Variants in FAM186A observed in about 807,000 individuals in gnomAD.
FAM186A encodes the protein protein FAM186A.
A neutral mutation model predicts 216.8 loss-of-function variants in FAM186A; 163 were observed. The observed-to-expected ratio is 0.75, with a 90% CI of 0.66 to 0.86. The LOEUF (loss-of-function observed/expected upper bound fraction) is 0.86. Ranked by LOEUF, FAM186A falls within the 40% of genes least tolerant of loss-of-function variation. The pLI, the probability that FAM186A is intolerant of heterozygous loss-of-function variation, is 0.00. For missense variants in FAM186A, 2,184 were observed against 2,746.2 expected (o/e 0.80, Z 4.58); for synonymous variants, 805 against 1,025.3 (o/e 0.79, Z 4.10).
At chr12:50,373,077 GAA>G (rs1491372726) in intron 1 of FAM186A, among the ~76,000 whole-genome samples, 2 of 138,488 alleles carry the variant, frequency 1.4e-5, no homozygotes, top group African/African-American at 2.6e-5. Context: ...GAAAGAAAGA[GAA>G]AAGAAAGAAA....
Position 50,355,269 on chromosome 12 carries a change from T to C in FAM186A, c.1563A>G (p.Lys521=), listed in dbSNP as rs182698019. The C allele has an allele frequency of 4.5e-6, 7 of 1,551,598 alleles. No individual in the cohort carries two copies. In the African/African-American group the frequency reaches 6.8e-5, roughly 15 times the overall value. The change falls in exon 4 of 8, where the codon AAA becomes AAG. Residue 521 remains lysine, a synonymous_variant. Transcript: ENST00000327337. ...EDKSKSPTEA[K]RKHLSLTETK... ...TTTCAGTTAAAGAGAGATGTTTTCT[T>C]TTTGCTTCAGTGGGTGACTTTGATT...
intron 7 of FAM186A, among the ~76,000 whole-genome samples, chr12:50,328,112 A>G (rs1942622929): frequency 6.6e-6 from 1 of 152,356 alleles, no homozygotes; most frequent in East Asian, 1.9e-4. Context: ...TAGGAAAATA[A>G]TTATATAAAT....
intron 1 of FAM186A, among the ~76,000 whole-genome samples, chr12:50,379,983 C>T (rs1236626340): frequency 6.6e-6 from 1 of 151,882 alleles, no homozygotes; most frequent in Non-Finnish European, 1.5e-5. Flanking sequence ...GAAGGAATGA[C>T]AATAGGGTAG....
chr12:50,396,451 C>T lies in FAM186A; in HGVS notation c.34G>A (p.Asp12Asn). Residue 12 changes from aspartate (D) to asparagine (N), a missense_variant, in exon 1 of 8, where the codon GAC (aspartate) becomes AAC (asparagine). This residue lies in a region of FAM186A where 1,132 missense variants were observed against 1,263.4 expected (regional missense o/e 0.90). Transcript: ENST00000327337. ...FFKMKNEIDN[D>N]PESEKCIKDS... is the part of the protein sequence containing the mutation. ...TTGATGCATTTTTCTGATTCAGGGTCATTGTCTATCTCATTTTTCATTTTG... is the reference window on the plus strand; with the variant it reads ...TTGATGCATTTTTCTGATTCAGGGTTATTGTCTATCTCATTTTTCATTTTG... 3.9e-6 allele frequency: 6 copies of T among 1,544,580 alleles called. No homozygotes were observed. Among genetic ancestry groups the T allele is most frequent in the Non-Finnish European group, 5.2e-6 (6 of 1,145,394 alleles).
At chr12:50,346,965 A>T (rs368688426) in intron 4 of FAM186A, among the ~76,000 whole-genome samples, 2 of 150,620 alleles carry the variant, frequency 1.3e-5, no homozygotes, top group Non-Finnish European at 1.5e-5. Flanking sequence ...AAGATGTATA[A>T]TTGGCTTGGG....
chr12:50,373,356 C>T (rs1466497037), intron 1 of FAM186A, among the ~76,000 whole-genome samples: 1 of 152,152 alleles, frequency 6.6e-6, no homozygotes, highest in Non-Finnish European at 1.5e-5. Flanking sequence ...GAGACCACAC[C>T]ATTGCACTCC....
intron 3 of FAM186A, among the ~76,000 whole-genome samples, chr12:50,358,651 G>T (rs1354503966): frequency 6.6e-6 from 1 of 151,986 alleles, no homozygotes; most frequent in East Asian, 1.9e-4. Context: ...TCGGCCAGGC[G>T]CAGTGGCTCA....
chr12:50,356,464 T>G (rs1011572577), intron 3 of FAM186A, among the ~76,000 whole-genome samples: 10 of 152,334 alleles, frequency 6.6e-5, no homozygotes, highest in Non-Finnish European at 1.3e-4. Context: ...TTTCTTTTTT[T>G]GTTGAGAGGG....
At chr12:50,369,920 C>T (rs970089173) in intron 1 of FAM186A, among the ~76,000 whole-genome samples, 4 of 151,492 alleles carry the variant, frequency 2.6e-5, no homozygotes, top group South Asian at 2.1e-4. Context: ...GTCAGGAGAT[C>T]GAGACCATCC....
chr12:50,365,720 C>T (rs1265290552), intron 1 of FAM186A: 2 of 750,930 alleles, frequency 2.7e-6, no homozygotes, highest in African/African-American at 3.4e-5. Flanking sequence ...ATACACCTTC[C>T]CACATTCGCA....
intron 4 of FAM186A, among the ~76,000 whole-genome samples, chr12:50,345,978 C>T (rs1942807133): frequency 8.6e-6 from 1 of 115,908 alleles, no homozygotes; most frequent in Non-Finnish European, 1.7e-5. Flanking sequence ...GCCTGGGGGA[C>T]AAGAGCGAGA....
chr12:50,372,602 A>G (rs1943151990), intron 1 of FAM186A, among the ~76,000 whole-genome samples: 1 of 151,214 alleles, frequency 6.6e-6, no homozygotes, highest in Non-Finnish European at 1.5e-5. Flanking sequence ...TCAAAAAAAA[A>G]AAAAGAAATA....
rs565920194 is a variant in FAM186A at position 50,377,671 on chromosome 12, A to G, written c.193-14307T>C. 2.5e-4 allele frequency among the ~76,000 whole-genome samples: 38 copies of G among 151,790 alleles called. No individual in the cohort carries two copies. In the South Asian group the frequency reaches 4.6e-3, roughly 18 times the overall value. On this transcript the variant is annotated intron_variant, in intron 1 of 7. Transcript: ENST00000327337. ...AACATGGTGAAACCCTGTCTCTACT[A>G]AAAATACAAAAATTAGCCGGGCGTG...
At chr12:50,378,618 GTATA>G (rs58153912) in intron 1 of FAM186A, among the ~76,000 whole-genome samples, 119,743 of 137,642 alleles carry the variant, frequency 0.87, 51,846 homozygotes, top group Non-Finnish European at 0.95. Flanking sequence ...TATGTAAATT[GTATA>G]TATATATATA....
chr12:50,378,861 G>T (rs1004411470), intron 1 of FAM186A, among the ~76,000 whole-genome samples: 6 of 151,986 alleles, frequency 3.9e-5, no homozygotes, highest in Non-Finnish European at 8.8e-5. Context: ...TACCTTGGAG[G>T]TACAGCTTCA....
chr12:50,387,595 C>T (rs1299423649), intron 1 of FAM186A, among the ~76,000 whole-genome samples: 1 of 152,134 alleles, frequency 6.6e-6, no homozygotes, highest in African/African-American at 2.4e-5. Context: ...ATGTAAGGCT[C>T]ACAGATTGGT....
intron 1 of FAM186A, among the ~76,000 whole-genome samples, chr12:50,377,038 T>C (rs889454208): frequency 6.6e-6 from 1 of 152,140 alleles, no homozygotes; most frequent in Non-Finnish European, 1.5e-5. Flanking sequence ...CATGAGCCAC[T>C]GCACCCAGCA....
In FAM186A at chr12:50,351,335, T is replaced by C. The variant is rs1308016847; in HGVS notation, c.5497A>G (p.Thr1833Ala). Residue 1833 changes from threonine to alanine, a missense_variant, in exon 4 of 8, where the codon ACT becomes GCT. Thr to Ala is a moderately conservative substitution (Grantham distance 58). Coordinates refer to ENST00000327337, the MANE Select transcript of FAM186A (RefSeq NM_001145475.3). ...CCAGCTATAAAGGGCTGCCCTGGAG[T>C]GGGAGGGGCCCGAGATATTGGGAGC... ...GQLPISRAPP[T>A]PGQPFIAGVP... is the part of the protein sequence containing the mutation. 6 of 1,497,400 alleles carry C rather than the reference T, an allele frequency of 4.0e-6. No homozygotes were observed. The highest frequency in any genetic ancestry group is 4.9e-5 in the East Asian group (2 of 40,596). The allele number at this position is 1,497,400 out of a possible 1,614,324, so 92.8% of individuals were successfully genotyped here.
chr12:50,361,054 G>T, intron 2 of FAM186A, 128 bp from the exon 3 acceptor site: 1 of 592,040 alleles, frequency 1.7e-6, no homozygotes. Context: ...CACACTTACT[G>T]CCATTCTGAG....
Sources: allele counts gnomAD v4.1 joint callset (sites outside exome capture counted in the v4.1 genomes callset), GRCh38; gene constraint gnomAD v4.1.1; regional missense constraint gnomAD v4.1.1; transcripts MANE v1.5; gene names NCBI Gene and HGNC (gene_info 2026-07-23, HGNC 2026-07-21).